The following KIF26B variants were observed in gnomAD, a reference collection of about 807,000 sequenced individuals.
The protein encoded by KIF26B is kinesin-like protein KIF26B.
In KIF26B, 63 loss-of-function variants were observed where a neutral mutation model predicts 151.2. That is an observed-to-expected ratio of 0.42 (90% CI 0.34 to 0.51). The LOEUF (loss-of-function observed/expected upper bound fraction) is 0.51, where lower values mean the gene tolerates loss of function less well. Among genes scored for constraint, KIF26B ranks in the 20% least tolerant of loss-of-function variants. The pLI, the probability that KIF26B is intolerant of heterozygous loss-of-function variation, is 0.07. For synonymous variants in KIF26B, 1,357 were observed against 1,262.1 expected (o/e 1.08, Z -1.59); for missense variants, 2,813 against 2,913.6 (o/e 0.97, Z 0.79).
At chr1:245,585,813 G>A (rs1439784380) in intron 5 of KIF26B, among the ~76,000 whole-genome samples, 2 of 152,058 alleles carry the variant, frequency 1.3e-5, no homozygotes, top group Non-Finnish European at 2.9e-5. Flanking sequence ...TATCCTTCAT[G>A]CCAATCACAT....
intron 2 of KIF26B, among the ~76,000 whole-genome samples, chr1:245,296,536 G>A (rs981965381): frequency 3.9e-5 from 6 of 152,172 alleles, no homozygotes; most frequent in Non-Finnish European, 8.8e-5. Context: ...GGTCAGTCCT[G>A]GGTGGGGGAC....
intron 2 of KIF26B, among the ~76,000 whole-genome samples, chr1:245,249,498 T>A (rs1161939889): frequency 2.0e-5 from 3 of 148,754 alleles, no homozygotes. Flanking sequence ...TATTTTTTTT[T>A]TTTTTTTTTT....
At chr1:245,302,826 T>C (rs1046688627) in intron 2 of KIF26B, among the ~76,000 whole-genome samples, 1 of 151,656 alleles carries the variant, frequency 6.6e-6, no homozygotes, top group African/African-American at 2.4e-5. Flanking sequence ...CTGTCTCTAC[T>C]AAAAATACGA....
intron 9 of KIF26B, among the ~76,000 whole-genome samples, chr1:245,612,718 T>G (rs1178597654): frequency 2.0e-5 from 3 of 152,122 alleles, no homozygotes; most frequent in African/African-American, 7.2e-5. Flanking sequence ...TGGACCATGT[T>G]TTTTAAAATA....
chr1:245,301,588 T>C (rs998976473), intron 2 of KIF26B, among the ~76,000 whole-genome samples: 1 of 152,188 alleles, frequency 6.6e-6, no homozygotes, highest in Non-Finnish European at 1.5e-5. Flanking sequence ...CAGATCACCC[T>C]GTCATTGGCC....
rs1201578052 is a variant in KIF26B at position 245,352,633 on chromosome 1, G to A, written c.466-14201G>A. The stretch of plus-strand genomic sequence containing the variant: ...AGTTTTGTCATTTTAATCCTTTTTT[G>A]GACCACAACAATCACTTTACGAACA... On this transcript the variant is annotated intron_variant, in intron 2 of 14. Transcript: ENST00000407071. The surrounding 1 kb of genome is among the most constrained non-coding windows in gnomAD (Gnocchi z 5.0). 1.3e-5 allele frequency among the ~76,000 whole-genome samples: 2 copies of A among 151,970 alleles called. No homozygotes were observed. The highest frequency in any genetic ancestry group is 6.6e-5 in the Admixed American group (1 of 15,252).
chr1:245,563,649 C>T lies in KIF26B; in HGVS notation c.1350+22699C>T, dbSNP rs978495137. ...GTGGGGCTGCTTGAGACTGTGGGAA[C>T]GATGTTTTCGTTAAGAATGGACTGC... On this transcript the variant is annotated intron_variant, in intron 5 of 14. Transcript: ENST00000407071. The surrounding 1 kb of genome is among the most constrained non-coding windows in gnomAD (Gnocchi z 4.6). Among the ~76,000 whole-genome samples, 7 of 152,282 alleles carry T rather than the reference C, an allele frequency of 4.6e-5. No individual in the cohort carries two copies. In the East Asian group the frequency reaches 7.7e-4, roughly 17 times the overall value.
Position 245,435,053 on chromosome 1 carries a change from C to CTCCATCCA in KIF26B, c.1166+15343_1166+15350dup, listed in dbSNP as rs60351520. Reference sequence around the variant, plus strand: ...CACCCATTCATCCATCCATCCATCTCTCCATCCATCCATCCATCCATCCAT... The same window carrying CTCCATCCA: ...CACCCATTCATCCATCCATCCATCTCTCCATCCATCCATCCATCCATCCATCCATCCAT... On this transcript the variant is annotated intron_variant, in intron 4 of 14. Transcript: ENST00000407071. 1.3e-3 allele frequency among the ~76,000 whole-genome samples: 170 copies of CTCCATCCA among 132,544 alleles called. 1 individual carries two copies. The highest frequency in any genetic ancestry group is 7.6e-3 in the Middle Eastern group (2 of 264). 87.0% of individuals were successfully genotyped at this position (132,544 alleles called of 152,430 possible).
intron 3 of KIF26B, among the ~76,000 whole-genome samples, chr1:245,382,986 G>T: frequency 6.8e-6 from 1 of 147,764 alleles, no homozygotes; most frequent in Non-Finnish European, 1.5e-5. Context: ...ATTATTTTTA[G>T]TGAATATATA....
At chr1:245,333,895 G>T (rs1237943734) in intron 2 of KIF26B, among the ~76,000 whole-genome samples, 2 of 152,168 alleles carry the variant, frequency 1.3e-5, no homozygotes, top group Non-Finnish European at 2.9e-5. Flanking sequence ...CTACTCGGGA[G>T]GCTGAGGCAC....
chr1:245,259,394 C>A (rs1237107755), intron 2 of KIF26B, among the ~76,000 whole-genome samples: 2 of 152,226 alleles, frequency 1.3e-5, no homozygotes, highest in East Asian at 3.9e-4. Context: ...CGCTGAAATG[C>A]ACACGTGTTA....
Position 245,688,688 on chromosome 1 carries a change from TGCGGGACAGCGAG to T in KIF26B, c.5708_5720del (p.Arg1903ProfsTer54). 1 of 1,606,484 alleles carries T rather than the reference TGCGGGACAGCGAG, an allele frequency of 6.2e-7. No individual in the cohort carries two copies. The highest frequency in any genetic ancestry group is 8.5e-7 in the Non-Finnish European group (1 of 1,177,562). On this transcript the variant is annotated frameshift_variant, in exon 12 of 15. Coordinates refer to ENST00000407071, the MANE Select transcript of KIF26B (RefSeq NM_018012.4). LOFTEE classifies it high-confidence loss of function. Reference sequence around the variant, plus strand: ...GGCAGCAGCGGCTACGAGAGCGTGATGCGGGACAGCGAGGCCACCGGCAGCGCGTCCTCGGCGC... The same window carrying T: ...GGCAGCAGCGGCTACGAGAGCGTGATGCCACCGGCAGCGCGTCCTCGGCGC...
intron 2 of KIF26B, among the ~76,000 whole-genome samples, chr1:245,192,974 G>A (rs1669135223): frequency 6.6e-6 from 1 of 152,150 alleles, no homozygotes; most frequent in African/African-American, 2.4e-5. Flanking sequence ...TTGCTGTACA[G>A]ATGATTTCAT....
chr1:245,213,570 C>T (rs988927019), intron 2 of KIF26B, among the ~76,000 whole-genome samples: 5 of 152,240 alleles, frequency 3.3e-5, no homozygotes, highest in South Asian at 2.1e-4. Context: ...AAAAGAAGGG[C>T]GTGGGGCAGG....
intron 5 of KIF26B, among the ~76,000 whole-genome samples, chr1:245,573,391 T>C (rs2043084153): frequency 6.6e-6 from 1 of 151,976 alleles, no homozygotes; most frequent in Non-Finnish European, 1.5e-5. Context: ...GGCGTGGTGG[T>C]GGGTGCCTAT....
chr1:245,377,405 C>T (rs537188775), intron 3 of KIF26B, among the ~76,000 whole-genome samples: 1 of 152,316 alleles, frequency 6.6e-6, no homozygotes, highest in East Asian at 1.9e-4. Flanking sequence ...CTCGCTGTGT[C>T]CTCTTCTTTT....
chr1:245,279,141 A>G (rs1277849755), intron 2 of KIF26B, among the ~76,000 whole-genome samples: 1 of 152,084 alleles, frequency 6.6e-6, no homozygotes, highest in Non-Finnish European at 1.5e-5. Context: ...TGTGCTAAGA[A>G]ATGTGCTCCC....
chr1:245,687,501 C>G lies in KIF26B; in HGVS notation c.4518C>G (p.Phe1506Leu), dbSNP rs762320320. The change falls in exon 12 of 15, where the codon TTC becomes TTG. Residue 1506 changes from phenylalanine to leucine, a missense_variant. Phe to Leu is a conservative substitution (Grantham distance 22). Around this residue, in one of 3 missense-constraint regions of KIF26B, gnomAD observed 2,060 missense variants for 2,088.6 expected, o/e 0.99. Transcript: ENST00000407071. This position sits in a 1 kb window ranked among gnomAD's most constrained non-coding sequence, Gnocchi z 4.9. ...EVSASPVTDN[F>L]RRVVDGCEMA... is the part of the protein sequence containing the mutation. ...CGGCCTCCCCGGTCACTGACAACTT[C>G]AGGAGGGTCGTGGATGGGTGTGAGA... 1 of 1,579,892 alleles carries G rather than the reference C, an allele frequency of 6.3e-7. No individual in the cohort carries two copies. The highest frequency in any genetic ancestry group is 2.3e-5 in the East Asian group (1 of 42,910).
At chr1:245,302,269 T>A (rs1446266794) in intron 2 of KIF26B, among the ~76,000 whole-genome samples, 1 of 152,236 alleles carries the variant, frequency 6.6e-6, no homozygotes, top group African/African-American at 2.4e-5. Flanking sequence ...AAAAATCTAA[T>A]ATATATTTAC....
Sources: gnomAD v4.1 joint callset for allele counts (sites outside exome capture counted in the v4.1 genomes callset) on GRCh38, gnomAD v4.1.1 for gene constraint, gnomAD v4.1.1 regional missense constraint, Gnocchi (gnomAD v3.1) non-coding constraint, MANE v1.5 for transcripts, NCBI Gene and HGNC (gene_info 2026-07-23, HGNC 2026-07-21) for gene names.